Variants in DHX15 observed in about 807,000 individuals in gnomAD.
The protein encoded by DHX15 is ATP-dependent RNA helicase DHX15.
A neutral mutation model predicts 94.4 loss-of-function variants in DHX15; 11 were observed. The observed-to-expected ratio is 0.12, with a 90% confidence interval of 0.07 to 0.19. The LOEUF (loss-of-function observed/expected upper bound fraction) is 0.19. Among genes scored for constraint, DHX15 ranks in the 10% least tolerant of loss-of-function variants. The pLI is 1.00. For missense variants in DHX15, 304 were observed against 988.5 expected, an observed-to-expected ratio of 0.31 and a Z score of 9.29; for synonymous variants, 338 against 329.9, an observed-to-expected ratio of 1.02 and a Z score of -0.27.
chr4:24,542,834 A>C (rs1721344129), intron 7 of DHX15, 106 bp downstream of exon 7: 1 of 848,816 alleles, frequency 1.2e-6, no homozygotes, highest in African/African-American at 1.8e-5. Context: ...AAATAAAAAA[A>C]AAGATAGGAA....
chr4:24,534,535 A>G (rs1032922), intron 11 of DHX15, among the ~76,000 whole-genome samples: 151,743 of 152,282 alleles, frequency 1, 75,608 homozygotes, highest in Middle Eastern at 1. Context: ...CTAAAACTGG[A>G]AACATTAATA....
intron 2 of DHX15, among the ~76,000 whole-genome samples, chr4:24,573,966 C>T (rs936332239): frequency 1.3e-5 from 2 of 150,768 alleles, no homozygotes; most frequent in African/African-American, 4.9e-5. Flanking sequence ...GAGGCCCAGA[C>T]AGGCCAATAA....
rs753253993 is a variant in DHX15, at chr4:24,554,719, C to T, written c.1080+6G>A. Reference sequence around the variant, plus strand: ...AGCTAAATAATGAAGAAAATTAAAACAATACCTCTTGACCAGTTAAGAAAA... The same window carrying T: ...AGCTAAATAATGAAGAAAATTAAAATAATACCTCTTGACCAGTTAAGAAAA... On this transcript the variant is annotated splice_donor_region_variant and intron_variant, in intron 5 of 13. Coordinates refer to ENST00000336812, the MANE Select transcript of DHX15 (RefSeq NM_001358.3). 6.2e-7 allele frequency: 1 copy of T among 1,607,154 alleles called. No individual in the cohort carries two copies. Among genetic ancestry groups the T allele is most frequent in the South Asian group, 1.1e-5 (1 of 90,466 alleles).
At chr4:24,561,116 G>C (rs1302881966) in intron 3 of DHX15, among the ~76,000 whole-genome samples, 3 of 152,206 alleles carry the variant, frequency 2.0e-5, no homozygotes, top group Non-Finnish European at 2.9e-5. Context: ...AAAAAAATGT[G>C]TGTACAAGTT....
intron 4 of DHX15, 57 bp from the exon 5 acceptor site, chr4:24,555,000 A>C (rs1721696745): frequency 7.4e-7 from 1 of 1,355,364 alleles, no homozygotes; most frequent in East Asian, 2.3e-5. Context: ...ACATGGTCTT[A>C]CAGTATAGCA....
chr4:24,576,111 TAAACATCAAATCA>T lies in DHX15; in HGVS notation c.507+119_507+131del. On this transcript the variant is annotated intron_variant, in intron 2 of 13. Transcript: ENST00000336812. ...CCACTCTGAAATTCAGAGTGCCAAT[TAAACATCAAATCA>T]GCTATTCTTCAAGATGTTCTATAGG... 2.4e-5 allele frequency: 17 copies of T among 704,214 alleles called. No homozygotes were observed. In the South Asian group the frequency reaches 3.3e-4, roughly 13 times the overall value. The allele number at this position is 704,214 out of a possible 1,614,324, so 43.6% of individuals were successfully genotyped here.
At chr4:24,544,245 T>C (rs1721377754) in intron 6 of DHX15, among the ~76,000 whole-genome samples, 1 of 152,216 alleles carries the variant, frequency 6.6e-6, no homozygotes, top group Admixed American at 6.5e-5. Context: ...TTAAAAATCA[T>C]AGGCTTTTGC....
intron 2 of DHX15, among the ~76,000 whole-genome samples, chr4:24,572,570 G>C (rs1025649411): frequency 1.3e-5 from 2 of 152,162 alleles, no homozygotes; most frequent in Admixed American, 1.3e-4. Flanking sequence ...AGGATGCCAA[G>C]CTACTAATAA....
rs554110000 is a variant in DHX15 at position 24,582,634 on chromosome 4, G to A, written c.71+1689C>T. On this transcript the variant is annotated intron_variant, in intron 1 of 13. Coordinates refer to ENST00000336812, the MANE Select transcript of DHX15 (RefSeq NM_001358.3). ...AAATGTCATTAAAATAGGCTGTAATGACTCTTAACTACAGTACTGAACTGT... is the reference window on the plus strand; with the variant it reads ...AAATGTCATTAAAATAGGCTGTAATAACTCTTAACTACAGTACTGAACTGT... 4.2e-4 allele frequency among the ~76,000 whole-genome samples: 64 copies of A among 152,322 alleles called. 1 individual carries two copies. In the South Asian group the frequency reaches 0.013, roughly 31 times the overall value.
chr4:24,531,962 T>C (rs1268105013), intron 12 of DHX15, among the ~76,000 whole-genome samples: 1 of 152,200 alleles, frequency 6.6e-6, no homozygotes, highest in Non-Finnish European at 1.5e-5. Flanking sequence ...CTCAGGCTCA[T>C]ATTCTAGCTA....
chr4:24,551,338 C>A (rs375718108), intron 5 of DHX15, among the ~76,000 whole-genome samples: 1 of 151,942 alleles, frequency 6.6e-6, no homozygotes, highest in Non-Finnish European at 1.5e-5. Context: ...TGATACTAAA[C>A]GGTGAGGAAG....
At chr4:24,560,275 C>G (rs2109411246) in intron 3 of DHX15, among the ~76,000 whole-genome samples, 1 of 151,526 alleles carries the variant, frequency 6.6e-6, no homozygotes, top group East Asian at 1.9e-4. Context: ...CAAACTAAGC[C>G]TAAGAAAGGC....
At chr4:24,529,249 G>A (rs944605496) in intron 13 of DHX15, among the ~76,000 whole-genome samples, 8 of 152,026 alleles carry the variant, frequency 5.3e-5, no homozygotes, top group African/African-American at 1.9e-4. Flanking sequence ...ATATTGCACA[G>A]GCTGGTCTTG....
intron 5 of DHX15, among the ~76,000 whole-genome samples, chr4:24,550,113 A>AAAC (rs1721559255): frequency 7.0e-6 from 1 of 142,866 alleles, no homozygotes; most frequent in Non-Finnish European, 1.6e-5. Context: ...AAAAAAAAAA[A>AAAC]AAAAAAAAAA....
intron 2 of DHX15, among the ~76,000 whole-genome samples, chr4:24,572,282 G>A (rs1032222331): frequency 1.2e-4 from 18 of 152,082 alleles, no homozygotes; most frequent in African/African-American, 3.9e-4. Context: ...CTACAGGCAC[G>A]TGCCACCACG....
intron 8 of DHX15, among the ~76,000 whole-genome samples, chr4:24,541,502 T>C (rs544501103): frequency 6.6e-6 from 1 of 152,048 alleles, no homozygotes; most frequent in Non-Finnish European, 1.5e-5. Context: ...AGTGAAACGC[T>C]GAAAGTTAGT....
At position 24,576,412 on chromosome 4, in the gene DHX15, T is replaced by G. The variant is rs752779852; in HGVS notation, c.338A>C (p.Gln113Pro). 1.9e-6 allele frequency: 3 copies of G among 1,614,166 alleles called. No individual in the cohort carries two copies. Among genetic ancestry groups the G allele is most frequent in the Non-Finnish European group, 1.7e-6 (2 of 1,180,038 alleles). Residue 113 changes from glutamine to proline, a missense_variant, in exon 2 of 14, where the codon CAG becomes CCG. Around this residue, in one of 9 missense-constraint regions of DHX15, gnomAD observed 143 missense variants for 200.5 expected, o/e 0.71. Transcript: ENST00000336812. ...AGHAGHTSLPQCINPFTNLPH... is the reference protein window; with the variant it reads ...AGHAGHTSLPPCINPFTNLPH... ...TAAGTTGGTGAACGGATTAATGCAC[T>G]GTGGAAGTGACGTGTGACCTGCATG...
intron 1 of DHX15, among the ~76,000 whole-genome samples, chr4:24,582,007 C>A (rs1020039857): frequency 6.6e-6 from 1 of 152,116 alleles, no homozygotes; most frequent in East Asian, 1.9e-4. Context: ...GAAACCCTAT[C>A]TGGCAGTGGA....
At chr4:24,550,010 T>C (rs1721553222) in intron 5 of DHX15, among the ~76,000 whole-genome samples, 1 of 145,564 alleles carries the variant, frequency 6.9e-6, no homozygotes, top group African/African-American at 2.6e-5. Context: ...GGAGAATCGC[T>C]TGAACCCGGG....
Sources: allele counts gnomAD v4.1 joint callset (sites outside exome capture counted in the v4.1 genomes callset), GRCh38; gene constraint gnomAD v4.1.1; regional missense constraint gnomAD v4.1.1; transcripts MANE v1.5; gene names NCBI Gene and HGNC (gene_info 2026-07-23, HGNC 2026-07-21).